PIEZO2: variants seen among roughly 807,000 people sequenced by gnomAD.
PIEZO2 encodes piezo-type mechanosensitive ion channel component 2.
In PIEZO2, 172 loss-of-function variants were observed where a neutral mutation model predicts 337.3. That is an observed-to-expected ratio of 0.51 (90% CI 0.45 to 0.58). PIEZO2 has a LOEUF of 0.58. Among genes scored for constraint, PIEZO2 ranks in the 20% least tolerant of loss-of-function variants. PIEZO2 has a pLI of 0.00. For missense variants in PIEZO2, 3,028 were observed against 3,391.3 expected (o/e 0.89, Z 2.66); for synonymous variants, 1,251 against 1,228.5 (o/e 1.02, Z -0.38).
At chr18:10,957,242 C>T (rs1399592226) in intron 3 of PIEZO2, among the ~76,000 whole-genome samples, 21 of 150,210 alleles carry the variant, frequency 1.4e-4, no homozygotes, top group Non-Finnish European at 1.0e-4. Context: ...ACTAAAAATA[C>T]AAAAATTAGC....
chr18:10,978,894 A>G lies in PIEZO2; in HGVS notation c.286+641T>C, dbSNP rs1177606089. Among the ~76,000 whole-genome samples, 5 of 152,342 alleles carry G rather than the reference A, an allele frequency of 3.3e-5. No individual in the cohort carries two copies. The East Asian group carries it at 7.7e-4, about 24-fold the overall frequency. ...TCACACATCCTACAAAAACTGAAGT[A>G]TGATTTATTCAATGACAGGTAAATT... On this transcript the variant is annotated intron_variant, in intron 3 of 55. Coordinates refer to ENST00000674853, the MANE Select transcript of PIEZO2 (RefSeq NM_001378183.1).
chr18:11,085,376 T>C (rs2038875944), intron 1 of PIEZO2, among the ~76,000 whole-genome samples: 1 of 152,090 alleles, frequency 6.6e-6, no homozygotes, highest in Non-Finnish European at 1.5e-5. Context: ...TGCTTGCCCT[T>C]CCTAAGACAC....
intron 28 of PIEZO2, among the ~76,000 whole-genome samples, chr18:10,752,002 G>T (rs1941544): frequency 3.5e-4 from 53 of 151,826 alleles, no homozygotes; most frequent in South Asian, 1.9e-3. Context: ...TGCGGGTTGT[G>T]GGGGGGGAGG....
Position 11,047,874 on chromosome 18 carries a change from C to T in PIEZO2, c.160+18253G>A, listed in dbSNP as rs1432590699. On this transcript the variant is annotated intron_variant, in intron 2 of 55. Coordinates refer to ENST00000674853, the MANE Select transcript of PIEZO2 (RefSeq NM_001378183.1). The surrounding 1 kb of genome is among the most constrained non-coding windows in gnomAD (Gnocchi z 7.2). ...GGTGACATTCCTTTGCACCTAAGTG[C>T]AAAGGGACCTGTAAGAGTTAATGGC... is the stretch of plus-strand genomic sequence containing the variant. Among the ~76,000 whole-genome samples the T allele has an allele frequency of 1.3e-5, 2 of 152,122 alleles. No homozygotes were observed. Among genetic ancestry groups the T allele is most frequent in the African/African-American group, 4.8e-5 (2 of 41,408 alleles).
chr18:10,858,321 C>CAAAAAAA (rs11361243), intron 5 of PIEZO2, among the ~76,000 whole-genome samples: 6 of 56,360 alleles, frequency 1.1e-4, no homozygotes, highest in Admixed American at 2.5e-4. Context: ...GACTTCAACC[C>CAAAAAAA]AAAAAAAAAA....
chr18:11,129,620 C>G lies in PIEZO2; in HGVS notation c.64+18905G>C, dbSNP rs140957170. Among the ~76,000 whole-genome samples, 461 of 152,268 alleles carry G rather than the reference C, an allele frequency of 3.0e-3. 4 individuals are homozygous for G. Among genetic ancestry groups the G allele is most frequent in the African/African-American group, 0.011 (444 of 41,560 alleles). ...CCCTTGAATGAAGGGGAGGCTGAGT[C>G]CCCTTGAGGAAGAACCCCACTACAT... On this transcript the variant is annotated intron_variant, in intron 1 of 55. Transcript: ENST00000674853. This position sits in a 1 kb window ranked among gnomAD's most constrained non-coding sequence, Gnocchi z 4.6.
chr18:11,007,264 G>C (rs918770700), intron 2 of PIEZO2, among the ~76,000 whole-genome samples: 1 of 152,170 alleles, frequency 6.6e-6, no homozygotes, highest in Non-Finnish European at 1.5e-5. Context: ...CTTAAGGAAA[G>C]TTAATAAATA....
rs1322293081 is a variant in PIEZO2, at chr18:11,048,555, A to G, written c.160+17572T>C. On this transcript the variant is annotated intron_variant, in intron 2 of 55. Transcript: ENST00000674853. The surrounding 1 kb of genome is among the most constrained non-coding windows in gnomAD (Gnocchi z 4.5). ...CCCAACATGCATAATCTCTACATTT[A>G]TCTTCCCTCACTATTAATTTTATAG... Among the ~76,000 whole-genome samples the G allele has an allele frequency of 2.0e-5, 3 of 152,250 alleles. No individual in the cohort carries two copies. Among genetic ancestry groups the G allele is most frequent in the Admixed American group, 6.5e-5 (1 of 15,286 alleles).
At chr18:10,876,908 C>A (rs2042282642) in intron 4 of PIEZO2, among the ~76,000 whole-genome samples, 2 of 152,310 alleles carry the variant, frequency 1.3e-5, no homozygotes, top group Middle Eastern at 3.4e-3. Flanking sequence ...GCCCAAGTGA[C>A]CCATTCCAAT....
At chr18:10,753,687 TC>T (rs2143778725) in intron 27 of PIEZO2, among the ~76,000 whole-genome samples, 1 of 152,338 alleles carries the variant, frequency 6.6e-6, no homozygotes, top group East Asian at 1.9e-4. Context: ...ATTAATGGGT[TC>T]TTGTTCTGTA....
chr18:10,934,420 C>G (rs1027628520), intron 3 of PIEZO2, among the ~76,000 whole-genome samples: 1 of 152,168 alleles, frequency 6.6e-6, no homozygotes, highest in African/African-American at 2.4e-5. Context: ...CTGCGGCTCT[C>G]ATGGCGAGCA....
Position 10,783,354 on chromosome 18 carries a change from A to G in PIEZO2, c.2492+1430T>C, listed in dbSNP as rs115475719. On this transcript the variant is annotated intron_variant, in intron 17 of 55. Coordinates refer to ENST00000674853, the MANE Select transcript of PIEZO2 (RefSeq NM_001378183.1). The surrounding 1 kb of genome is among the most constrained non-coding windows in gnomAD (Gnocchi z 4.3). ...GTTTTATCCACACAGATCACAAACA[A>G]TGTCAAAATAATGATTAAAAAAATC... Among the ~76,000 whole-genome samples the G allele has an allele frequency of 9.9e-3, 1,513 of 152,298 alleles. 30 individuals are homozygous for G. The highest frequency in any genetic ancestry group is 0.035 in the African/African-American group (1,449 of 41,546).
rs1369994605 is a variant in PIEZO2, at chr18:10,859,344, C to T, written c.493-2133G>A. On this transcript the variant is annotated intron_variant, in intron 5 of 55. Transcript: ENST00000674853. This position sits in a 1 kb window ranked among gnomAD's most constrained non-coding sequence, Gnocchi z 4.9. ...ATCTCATTCTCAGAGGATGACCTTG[C>T]TTTCTACTGCTCCCAGAGAGGAGCT... Among the ~76,000 whole-genome samples the T allele has an allele frequency of 6.6e-6, 1 of 152,214 alleles. No individual in the cohort carries two copies. The highest frequency in any genetic ancestry group is 1.5e-5 in the Non-Finnish European group (1 of 68,030).
At chr18:10,708,087 T>C (rs146024370) in intron 40 of PIEZO2, among the ~76,000 whole-genome samples, 188 bp downstream of exon 40, 82 of 152,366 alleles carry the variant, frequency 5.4e-4, no homozygotes, top group African/African-American at 1.6e-3. Flanking sequence ...GTTAGTTTAA[T>C]ATAATGCTGT....
At chr18:10,864,823 C>G (rs1327795120) in intron 5 of PIEZO2, among the ~76,000 whole-genome samples, 1 of 152,172 alleles carries the variant, frequency 6.6e-6, no homozygotes, top group African/African-American at 2.4e-5. Flanking sequence ...CAAGAATAAA[C>G]TGAAGAGCGA....
intron 52 of PIEZO2, among the ~76,000 whole-genome samples, chr18:10,679,577 T>C (rs1185045698): frequency 1.3e-5 from 2 of 152,222 alleles, no homozygotes; most frequent in East Asian, 1.9e-4. Context: ...CTTGATGCTC[T>C]GCCTTCATTT....
At chr18:11,120,269 C>A (rs565545431) in intron 1 of PIEZO2, among the ~76,000 whole-genome samples, 18 of 152,284 alleles carry the variant, frequency 1.2e-4, no homozygotes, top group African/African-American at 4.3e-4. Flanking sequence ...GACTCAAGGG[C>A]AAGTTCGGAG....
chr18:10,921,414 T>C (rs169066), intron 3 of PIEZO2, among the ~76,000 whole-genome samples: 142,201 of 152,192 alleles, frequency 0.93, 66,517 homozygotes, highest in East Asian at 1. Context: ...ATTTCCTATG[T>C]CTGTCTTTAC....
At position 10,814,216 on chromosome 18, in the gene PIEZO2, G is replaced by A. The variant is rs561352026; in HGVS notation, c.918-6942C>T. On this transcript the variant is annotated intron_variant, in intron 7 of 55. Transcript: ENST00000674853. ...GATCTCCTGACCTCATGATCTGCCC[G>A]CCTTGGCCTCCCAAAGTGCTAGGAT... Among the ~76,000 whole-genome samples, 10 of 152,036 alleles carry A rather than the reference G, an allele frequency of 6.6e-5. No homozygotes were observed. The East Asian group carries it at 7.7e-4, about 12-fold the overall frequency.
Sources: gnomAD v4.1 joint callset for allele counts (sites outside exome capture counted in the v4.1 genomes callset) on GRCh38, gnomAD v4.1.1 for gene constraint, Gnocchi (gnomAD v3.1) non-coding constraint, MANE v1.5 for transcripts, NCBI Gene and HGNC (gene_info 2026-07-23, HGNC 2026-07-21) for gene names.